Variants in CCBE1 observed in about 807,000 individuals in gnomAD.
CCBE1 encodes the protein collagen and calcium binding EGF domains 1.
Under a neutral mutation model 50.0 loss-of-function variants are expected in CCBE1, and 37 were observed. The ratio of observed to expected loss-of-function variants is 0.74; its 90% CI spans 0.57 to 0.97. The LOEUF (loss-of-function observed/expected upper bound fraction) is 0.97, where lower values mean the gene tolerates loss of function less well. Among genes scored for constraint, CCBE1 ranks in the 50% least tolerant of loss-of-function variants. The pLI is 0.00. For synonymous variants in CCBE1, 234 were observed against 203.7 expected (o/e 1.15, Z -1.27); for missense variants, 538 against 523.8 (o/e 1.03, Z -0.26).
chr18:59,489,915 G>A (rs753502813), intron 2 of CCBE1, among the ~76,000 whole-genome samples: 29 of 151,266 alleles, frequency 1.9e-4, no homozygotes, highest in Non-Finnish European at 1.9e-4. Flanking sequence ...ATTAAAAAAG[G>A]CTTGATATTA....
At chr18:59,530,717 G>C (rs1432938229) in intron 2 of CCBE1, among the ~76,000 whole-genome samples, 1 of 152,162 alleles carries the variant, frequency 6.6e-6, no homozygotes, top group Non-Finnish European at 1.5e-5. Context: ...TCTGGCTTTA[G>C]CTATGATTTA....
intron 2 of CCBE1, among the ~76,000 whole-genome samples, chr18:59,660,899 C>A (rs561278823): frequency 2.6e-5 from 4 of 152,220 alleles, no homozygotes; most frequent in East Asian, 1.9e-4. Flanking sequence ...CCAGACATAC[C>A]AATACCTGGC....
intron 2 of CCBE1, among the ~76,000 whole-genome samples, chr18:59,595,856 T>C (rs2144547911): frequency 6.6e-6 from 1 of 152,296 alleles, no homozygotes; most frequent in Admixed American, 6.5e-5. Context: ...GGTACCACAG[T>C]GGTGGCCCTC....
At chr18:59,479,619 G>T (rs755219508) in intron 3 of CCBE1, among the ~76,000 whole-genome samples, 1 of 152,204 alleles carries the variant, frequency 6.6e-6, no homozygotes, top group Non-Finnish European at 1.5e-5. Flanking sequence ...CTTGCCCAAG[G>T]TCAAAGCTAT....
intron 2 of CCBE1, among the ~76,000 whole-genome samples, chr18:59,532,926 C>A (rs774485848): frequency 6.6e-6 from 1 of 152,198 alleles, no homozygotes; most frequent in Non-Finnish European, 1.5e-5. Flanking sequence ...GAATTGTGAC[C>A]TCCTGCCTGG....
At chr18:59,691,397 A>T (rs3097399) in intron 2 of CCBE1, among the ~76,000 whole-genome samples, 4 of 5,906 alleles carry the variant, frequency 6.8e-4, no homozygotes, top group South Asian at 8.4e-3. Context: ...TCTTCACAAG[A>T]TTTTTTGTTT....
In CCBE1 at chr18:59,488,698, A is replaced by T. The variant is rs141548858; in HGVS notation, c.213-8460T>A. On this transcript the variant is annotated intron_variant, in intron 2 of 10. Transcript: ENST00000439986. ...CGGCTTCAGTCCTTAGATAACTGAC[A>T]TTAAGTTCTTCTAACTCAATTTCCT... Among the ~76,000 whole-genome samples, 168 of 152,302 alleles carry T rather than the reference A, an allele frequency of 1.1e-3. 1 individual carries two copies. In the East Asian group the frequency reaches 0.026, roughly 24 times the overall value.
At chr18:59,673,017 T>A (rs1033760243) in intron 2 of CCBE1, among the ~76,000 whole-genome samples, 7 of 151,920 alleles carry the variant, frequency 4.6e-5, no homozygotes, top group East Asian at 1.9e-4. Context: ...AAAAAAAAAA[T>A]TTAAGACTAA....
At chr18:59,515,095 G>GT (rs1914310977) in intron 2 of CCBE1, among the ~76,000 whole-genome samples, 1 of 152,198 alleles carries the variant, frequency 6.6e-6, no homozygotes, top group African/African-American at 2.4e-5. Flanking sequence ...GGGAACAGAA[G>GT]TAAGAAGTGC....
chr18:59,586,684 A>G (rs2053182419), intron 2 of CCBE1, among the ~76,000 whole-genome samples: 1 of 152,238 alleles, frequency 6.6e-6, no homozygotes, highest in Admixed American at 6.5e-5. Context: ...CCTCTGCATG[A>G]CAAAGCCCAA....
intron 2 of CCBE1, among the ~76,000 whole-genome samples, chr18:59,516,196 T>C (rs1914362710): frequency 6.6e-6 from 1 of 151,722 alleles, no homozygotes; most frequent in Admixed American, 6.6e-5. Flanking sequence ...TGACCTCAAG[T>C]GATCCACCCG....
intron 2 of CCBE1, among the ~76,000 whole-genome samples, chr18:59,686,583 TG>T (rs1190266802): frequency 6.6e-6 from 1 of 152,238 alleles, no homozygotes. Context: ...TTGATGCTTT[TG>T]TATATCCATC....
chr18:59,612,293 T>TAAAAAAAAAA (rs5825349), intron 2 of CCBE1, among the ~76,000 whole-genome samples: 1 of 100,832 alleles, frequency 9.9e-6, no homozygotes. Context: ...TAAAGTATAA[T>TAAAAAAAAAA]AAAAAAAAAA....
At chr18:59,557,530 T>C (rs535739273) in intron 2 of CCBE1, among the ~76,000 whole-genome samples, 17 of 152,316 alleles carry the variant, frequency 1.1e-4, no homozygotes, top group Non-Finnish European at 2.4e-4. Context: ...TTCCACTGTG[T>C]TGCAGATGAG....
At chr18:59,452,011 A>G (rs1910959491) in intron 6 of CCBE1, among the ~76,000 whole-genome samples, 1 of 152,094 alleles carries the variant, frequency 6.6e-6, no homozygotes, top group Non-Finnish European at 1.5e-5. Flanking sequence ...ATGCCTAGAT[A>G]TTATGGTTTA....
At chr18:59,575,089 G>A (rs184536691) in intron 2 of CCBE1, among the ~76,000 whole-genome samples, 50 of 152,284 alleles carry the variant, frequency 3.3e-4, no homozygotes, top group African/African-American at 1.2e-3. Context: ...CACCAGAGAT[G>A]GCTAGCAGAC....
chr18:59,535,727 CAAG>C (rs1442700291), intron 2 of CCBE1, among the ~76,000 whole-genome samples: 46 of 152,112 alleles, frequency 3.0e-4, no homozygotes, highest in African/African-American at 1.0e-3. Flanking sequence ...AAATGTTGTA[CAAG>C]AATAGGTACA....
At chr18:59,537,290 T>C (rs565963013) in intron 2 of CCBE1, among the ~76,000 whole-genome samples, 51 of 152,280 alleles carry the variant, frequency 3.3e-4, no homozygotes, top group Middle Eastern at 3.4e-3. Flanking sequence ...CAAGGTGACA[T>C]ATACTCAAAG....
intron 6 of CCBE1, among the ~76,000 whole-genome samples, chr18:59,448,694 C>T (rs1165678115): frequency 3.3e-5 from 5 of 152,200 alleles, no homozygotes; most frequent in Non-Finnish European, 5.9e-5. Context: ...TTAATAAACT[C>T]CCTTTCATAT....
Sources: allele counts gnomAD v4.1 joint callset (sites outside exome capture counted in the v4.1 genomes callset), GRCh38; gene constraint gnomAD v4.1.1; transcripts MANE v1.5; gene names NCBI Gene and HGNC (gene_info 2026-07-23, HGNC 2026-07-21).